The following CD2 variants were observed in gnomAD, a reference collection of about 807,000 sequenced individuals.
CD2 encodes CD2 molecule, also known as T-cell surface antigen CD2.
CD2 carries 18 observed loss-of-function variants against 23.2 expected under a neutral mutation model. That is an observed-to-expected ratio of 0.77 (90% CI 0.54 to 1.15). CD2 has a LOEUF of 1.15. CD2 is among the 50% of genes most tolerant of loss of function. CD2 has a pLI of 0.00. For missense variants in CD2, 424 were observed against 423.1 expected, an observed-to-expected ratio of 1.00 and a Z score of -0.02; for synonymous variants, 162 against 151.9, an observed-to-expected ratio of 1.07 and a Z score of -0.49.
Position 116,768,905 on chromosome 1 carries a change from G to A in CD2, c.*122G>A, listed in dbSNP as rs1652308959. ...GAACATTGTCACCTCCTGAGGCTGT[G>A]GGCCACAGCCACCTCTGCATCTTCG... On this transcript the variant is annotated 3_prime_UTR_variant, in exon 5 of 5. Coordinates refer to ENST00000369478, the MANE Select transcript of CD2 (RefSeq NM_001767.5). 1 of 990,040 alleles carries A rather than the reference G, an allele frequency of 1.0e-6. No individual in the cohort carries two copies. Among genetic ancestry groups the A allele is most frequent in the African/African-American group, 1.6e-5 (1 of 60,658 alleles). The allele number at this position is 990,040 out of a possible 1,614,324, so 61.3% of individuals were successfully genotyped here. A position where few individuals can be genotyped will look rare whatever the true frequency, so the allele number is the denominator to read the frequency against.
chr1:116,754,867 G>C lies in CD2; in HGVS notation c.298G>C (p.Asp100His), dbSNP rs778678941. 3 of 1,612,348 alleles carry C rather than the reference G, an allele frequency of 1.9e-6. No homozygotes were observed. The highest frequency in any genetic ancestry group is 1.1e-5 in the South Asian group (1 of 91,010). The change falls in exon 2 of 5, where the codon GAT (aspartate) becomes CAT (histidine). Residue 100 changes from aspartate to histidine, a missense_variant. By Grantham distance (81) the Asp-to-His change is moderately conservative. Coordinates refer to ENST00000369478, the MANE Select transcript of CD2 (RefSeq NM_001767.5). ...GTLKIKHLKT[D>H]DQDIYKVSIY... ...TCTGAAAATTAAGCATCTGAAGACC[G>C]ATGATCAGGATATCTACAAGGTATC...
chr1:116,761,551 G>A (rs1467012444), intron 3 of CD2, among the ~76,000 whole-genome samples: 1 of 152,184 alleles, frequency 6.6e-6, no homozygotes, highest in African/African-American at 2.4e-5. Flanking sequence ...AAGTGCCCAG[G>A]ACAAAAGTCG....
At chr1:116,766,261 G>A (rs188599927) in intron 4 of CD2, among the ~76,000 whole-genome samples, 1 of 152,338 alleles carries the variant, frequency 6.6e-6, no homozygotes, top group Non-Finnish European at 1.5e-5. Context: ...TGGGTAGGCT[G>A]AGGACCCACT....
At position 116,754,880 on chromosome 1, in the gene CD2, T is replaced by C. The variant is rs1211308010; in HGVS notation, c.311T>C (p.Ile104Thr). 6.2e-7 allele frequency: 1 copy of C among 1,612,112 alleles called. No individual in the cohort carries two copies. Among genetic ancestry groups the C allele is most frequent in the African/African-American group, 1.3e-5 (1 of 74,894 alleles). The stretch of plus-strand genomic sequence containing the variant: ...CATCTGAAGACCGATGATCAGGATA[T>C]CTACAAGGTATCAATATATGATACA... ...IKHLKTDDQD[I>T]YKVSIYDTKG... Residue 104 changes from isoleucine to threonine, a missense_variant, in exon 2 of 5, where the codon ATC becomes ACC. Coordinates refer to ENST00000369478, the MANE Select transcript of CD2 (RefSeq NM_001767.5).
intron 4 of CD2, among the ~76,000 whole-genome samples, chr1:116,766,182 G>A (rs1186032373): frequency 6.6e-6 from 1 of 152,226 alleles, no homozygotes; most frequent in East Asian, 1.9e-4. Context: ...TGCAAACAAG[G>A]GAGAAGGACA....
chr1:116,765,514 G>C (rs1389463837), intron 4 of CD2, among the ~76,000 whole-genome samples: 1 of 152,068 alleles, frequency 6.6e-6, no homozygotes, highest in Non-Finnish European at 1.5e-5. Flanking sequence ...TTCTCCTTCT[G>C]CCTCCCCATC....
rs1366554410 is a variant in CD2 at position 116,755,037 on chromosome 1, G to T, written c.382+86G>T. On this transcript the variant is annotated intron_variant, in intron 2 of 4. Transcript: ENST00000369478. ...AATAGCATTTCTAATATTCCCCAGC[G>T]CTGACCTCTGCCTCCAGGGGGGCTA... 8 of 892,162 alleles carry T rather than the reference G, an allele frequency of 9.0e-6. No individual in the cohort carries two copies. The East Asian group carries it at 1.8e-4, about 20-fold the overall frequency. 55.3% of individuals were successfully genotyped at this position (892,162 alleles called of 1,614,324 possible).
rs1305723293 is a variant in CD2 at position 116,754,956 on chromosome 1, G to A, written c.382+5G>A. 6.4e-7 allele frequency: 1 copy of A among 1,569,434 alleles called. No homozygotes were observed. Among genetic ancestry groups the A allele is most frequent in the East Asian group, 2.2e-5 (1 of 44,692 alleles). ...TATTTGATTTGAAGATTCAAGGTAAGTGTTCATTCCCTTAATTGCTTTATT... is the reference window on the plus strand; with the variant it reads ...TATTTGATTTGAAGATTCAAGGTAAATGTTCATTCCCTTAATTGCTTTATT... On this transcript the variant is annotated splice_donor_5th_base_variant and intron_variant, in intron 2 of 4. Transcript: ENST00000369478.
At chr1:116,763,800 T>G (rs1037011933) in intron 3 of CD2, among the ~76,000 whole-genome samples, 1 of 152,134 alleles carries the variant, frequency 6.6e-6, no homozygotes, top group African/African-American at 2.4e-5. Flanking sequence ...TGCATTACAG[T>G]GACTGAAGGT....
chr1:116,762,753 A>G (rs1051835070), intron 3 of CD2, among the ~76,000 whole-genome samples: 5 of 152,200 alleles, frequency 3.3e-5, no homozygotes, highest in Admixed American at 3.3e-4. Flanking sequence ...GGGAGGGCAT[A>G]TTTTTGACTG....
At chr1:116,760,730 C>T (rs569185387) in intron 3 of CD2, 98 bp downstream of exon 3, 66 of 904,320 alleles carry the variant, frequency 7.3e-5, no homozygotes, top group Non-Finnish European at 1.0e-4. Flanking sequence ...TGGGAGGCAG[C>T]CCTGGCTCAG....
chr1:116,765,270 C>T (rs1652180845), intron 4 of CD2, among the ~76,000 whole-genome samples: 1 of 152,154 alleles, frequency 6.6e-6, no homozygotes, highest in African/African-American at 2.4e-5. Context: ...CTGTGGGGGG[C>T]ACAGATGAGG....
rs1392289887 is a variant in CD2 at position 116,758,684 on chromosome 1, C to T, written c.383-1718C>T. 4.6e-5 allele frequency among the ~76,000 whole-genome samples: 7 copies of T among 152,288 alleles called. No homozygotes were observed. The East Asian group carries it at 1.3e-3, about 29-fold the overall frequency. On this transcript the variant is annotated intron_variant, in intron 2 of 4. Transcript: ENST00000369478. ...TGTCCTGTTTTGAGTGTGAGCCCTA[C>T]ATGGGGGACCATGTTGGTGTTTTCA...
At chr1:116,761,531 G>C (rs908127164) in intron 3 of CD2, among the ~76,000 whole-genome samples, 1 of 152,208 alleles carries the variant, frequency 6.6e-6, no homozygotes, top group African/African-American at 2.4e-5. Context: ...CTCTAAGAAA[G>C]AGCAGGAATA....
chr1:116,760,500 G>C lies in CD2; in HGVS notation c.481G>C (p.Asp161His), dbSNP rs1652010359. 4 of 1,614,102 alleles carry C rather than the reference G, an allele frequency of 2.5e-6. No homozygotes were observed. Among genetic ancestry groups the C allele is most frequent in the Non-Finnish European group, 3.4e-6 (4 of 1,180,064 alleles). ...TGACCCCGAATTAAACCTGTATCAA[G>C]ATGGGAAACATCTAAAACTTTCTCA... ...GTDPELNLYQ[D>H]GKHLKLSQRV... Residue 161 changes from aspartate to histidine, a missense_variant, in exon 3 of 5, where the codon GAT becomes CAT. Coordinates refer to ENST00000369478, the MANE Select transcript of CD2 (RefSeq NM_001767.5).
At chr1:116,766,770 G>A (rs1399277302) in intron 4 of CD2, among the ~76,000 whole-genome samples, 1 of 151,990 alleles carries the variant, frequency 6.6e-6, no homozygotes, top group Non-Finnish European at 1.5e-5. Context: ...GGCTGAGGTG[G>A]GTGAATCATT....
intron 2 of CD2, among the ~76,000 whole-genome samples, chr1:116,758,655 C>T (rs1304507232): frequency 2.6e-5 from 4 of 152,112 alleles, no homozygotes; most frequent in African/African-American, 9.7e-5. Flanking sequence ...GCACAGAACT[C>T]GAGTGTCCTG....
chr1:116,755,057 G>A, intron 2 of CD2, 106 bp downstream of exon 2: 3 of 745,410 alleles, frequency 4.0e-6, no homozygotes, highest in Non-Finnish European at 4.4e-6. Context: ...GCCTCCAGGG[G>A]GGCTATACAG....
At position 116,754,527 on chromosome 1, in the gene CD2, T is replaced by G; in HGVS notation, c.35T>G (p.Leu12Arg). 1 of 1,614,092 alleles carries G rather than the reference T, an allele frequency of 6.2e-7. No homozygotes were observed. The highest frequency in any genetic ancestry group is 8.5e-7 in the Non-Finnish European group (1 of 1,180,006). ...SFPCKFVASF[L>R]LIFNVSSKGA... is the part of the protein sequence containing the mutation. ...CCATGTAAATTTGTAGCCAGCTTCC[T>G]TCTGATTTTCAATGTTTCTTCCAAA... The change falls in exon 1 of 5, where the codon CTT (leucine) becomes CGT (arginine). Residue 12 changes from leucine to arginine, a missense_variant. Leu to Arg is a moderately radical substitution (Grantham distance 102). Coordinates refer to ENST00000369478, the MANE Select transcript of CD2 (RefSeq NM_001767.5).
Sources: gnomAD v4.1 joint callset for allele counts (sites outside exome capture counted in the v4.1 genomes callset) on GRCh38, gnomAD v4.1.1 for gene constraint, MANE v1.5 for transcripts, NCBI Gene and HGNC (gene_info 2026-07-23, HGNC 2026-07-21) for gene names.